The following GRM5 variants were observed in gnomAD, a reference collection of about 807,000 sequenced individuals.
GRM5 encodes metabotropic glutamate receptor 5.
GRM5 carries 19 observed loss-of-function variants against 83.1 expected under a neutral mutation model. The observed-to-expected ratio is 0.23, with a 90% CI of 0.16 to 0.34. The LOEUF (loss-of-function observed/expected upper bound fraction) is 0.34, where lower values mean the gene tolerates loss of function less well. Among genes scored for constraint, GRM5 ranks in the 10% least tolerant of loss-of-function variants. The pLI, the probability that GRM5 is intolerant of heterozygous loss-of-function variation, is 1.00. For synonymous variants in GRM5, 675 were observed against 633.6 expected (o/e 1.07, Z -0.98); for missense variants, 1,160 against 1,588.3 (o/e 0.73, Z 4.58).
intron 3 of GRM5, among the ~76,000 whole-genome samples, chr11:88,802,340 T>A (rs1198957160): frequency 6.6e-6 from 1 of 152,268 alleles, no homozygotes; most frequent in Non-Finnish European, 1.5e-5. Flanking sequence ...CTATTTATAG[T>A]GTATACATAG....
rs1032645609 is a variant in GRM5, at chr11:88,505,870, T to C, written c.*2722A>G. 6.6e-6 allele frequency: 1 copy of C among 152,230 alleles called. No individual in the cohort carries two copies. The highest frequency in any genetic ancestry group is 2.4e-5 in the African/African-American group (1 of 41,456). The allele number at this position is 152,230 out of a possible 1,614,324, so 9.4% of individuals were successfully genotyped here. On this transcript the variant is annotated 3_prime_UTR_variant, in exon 10 of 10. Coordinates refer to ENST00000305447, the MANE Select transcript of GRM5 (RefSeq NM_001143831.3). Reference sequence around the variant, plus strand: ...AATGAGAATGTACCCAAATGAATTGTGAAGTTCATATCCTATAGCCCTAGA... The same window carrying C: ...AATGAGAATGTACCCAAATGAATTGCGAAGTTCATATCCTATAGCCCTAGA...
At chr11:88,717,687 T>C (rs1272012152) in intron 3 of GRM5, among the ~76,000 whole-genome samples, 1 of 151,776 alleles carries the variant, frequency 6.6e-6, no homozygotes, top group Non-Finnish European at 1.5e-5. Flanking sequence ...CATGAGAAAA[T>C]GTCCATAGCA....
At chr11:88,854,056 G>GTCTATATATATATATATATA (rs1565262477) in intron 2 of GRM5, among the ~76,000 whole-genome samples, 1 of 17,774 alleles carries the variant, frequency 5.6e-5, no homozygotes, top group African/African-American at 2.0e-4. Flanking sequence ...AAAAAATGTG[G>GTCTATATATATATATATATA]TGTATATATA....
At chr11:89,045,363 TTAG>T (rs1223379018) in intron 2 of GRM5, among the ~76,000 whole-genome samples, 3 of 152,160 alleles carry the variant, frequency 2.0e-5, no homozygotes, top group Non-Finnish European at 2.9e-5. Flanking sequence ...GCAGCAACTC[TTAG>T]TAGTTTTGCT....
intron 3 of GRM5, among the ~76,000 whole-genome samples, chr11:88,681,866 G>T (rs1940503342): frequency 1.3e-5 from 2 of 151,836 alleles, no homozygotes; most frequent in Admixed American, 1.3e-4. Flanking sequence ...ACTGTGCCCA[G>T]CCCTCTTTTT....
At chr11:88,728,424 C>A (rs976052922) in intron 3 of GRM5, among the ~76,000 whole-genome samples, 1 of 152,088 alleles carries the variant, frequency 6.6e-6, no homozygotes, top group Non-Finnish European at 1.5e-5. Flanking sequence ...GATGGATTCA[C>A]AACCGAATTC....
At chr11:89,023,150 T>TGC (rs61458577) in intron 2 of GRM5, among the ~76,000 whole-genome samples, 11,898 of 151,774 alleles carry the variant, frequency 0.078, 1,115 homozygotes, top group African/African-American at 0.23. Flanking sequence ...AGTGTGTGTG[T>TGC]GTGTGTGTGT....
At chr11:88,852,090 T>G (rs1944397692) in intron 2 of GRM5, among the ~76,000 whole-genome samples, 1 of 152,206 alleles carries the variant, frequency 6.6e-6, no homozygotes, top group Non-Finnish European at 1.5e-5. Context: ...GGTAAGTGAT[T>G]GTGATGTGAA....
intron 3 of GRM5, among the ~76,000 whole-genome samples, chr11:88,682,053 C>G (rs1565184583): frequency 6.6e-6 from 1 of 152,086 alleles, no homozygotes; most frequent in Non-Finnish European, 1.5e-5. Context: ...ACTTGTAGTA[C>G]AATTTAAAAA....
chr11:88,939,952 T>C (rs1938033681), intron 2 of GRM5, among the ~76,000 whole-genome samples: 3 of 151,812 alleles, frequency 2.0e-5, no homozygotes, highest in South Asian at 4.1e-4. Flanking sequence ...AAGATCAAAG[T>C]ATATAACATG....
At chr11:88,763,536 A>T (rs543614850) in intron 3 of GRM5, among the ~76,000 whole-genome samples, 2 of 136,508 alleles carry the variant, frequency 1.5e-5, no homozygotes, top group Admixed American at 7.4e-5. Context: ...AAATGTGTTT[A>T]AAGTATTATT....
chr11:88,674,206 T>A (rs1470140251), intron 3 of GRM5, among the ~76,000 whole-genome samples: 2 of 151,230 alleles, frequency 1.3e-5, no homozygotes, highest in East Asian at 3.9e-4. Flanking sequence ...TCCCATGGCT[T>A]CTATAGTAAC....
chr11:88,792,943 A>G (rs1015035067), intron 3 of GRM5, among the ~76,000 whole-genome samples: 2 of 152,178 alleles, frequency 1.3e-5, no homozygotes, highest in African/African-American at 4.8e-5. Flanking sequence ...TATTTTTGAT[A>G]CTATTTAGAG....
chr11:88,634,094 G>A (rs1025519137), intron 4 of GRM5, among the ~76,000 whole-genome samples: 1 of 152,148 alleles, frequency 6.6e-6, no homozygotes, highest in Non-Finnish European at 1.5e-5. Context: ...CAGCAGAAGT[G>A]TGACATAAAA....
At chr11:88,712,112 C>G (rs372851933) in intron 3 of GRM5, among the ~76,000 whole-genome samples, 1 of 151,918 alleles carries the variant, frequency 6.6e-6, no homozygotes, top group Non-Finnish European at 1.5e-5. Context: ...CCTTGCAAGT[C>G]GAAAATCCTT....
intron 2 of GRM5, among the ~76,000 whole-genome samples, chr11:88,914,781 CT>C (rs1945561957): frequency 6.6e-6 from 1 of 152,052 alleles, no homozygotes; most frequent in African/African-American, 2.4e-5. Flanking sequence ...TTTCCTTTTT[CT>C]TAGCAATCAT....
chr11:88,840,787 T>G (rs1397089152), intron 3 of GRM5, among the ~76,000 whole-genome samples: 1 of 152,184 alleles, frequency 6.6e-6, no homozygotes, highest in Non-Finnish European at 1.5e-5. Flanking sequence ...TTAGAGACTT[T>G]GTGTCTGGAG....
intron 2 of GRM5, among the ~76,000 whole-genome samples, chr11:88,992,533 T>C (rs1482326585): frequency 1.3e-5 from 2 of 152,074 alleles, no homozygotes; most frequent in Non-Finnish European, 2.9e-5. Flanking sequence ...ACCCGAAGGA[T>C]TATAAATCAT....
intron 3 of GRM5, among the ~76,000 whole-genome samples, chr11:88,771,653 C>G (rs1255772423): frequency 1.3e-5 from 2 of 152,132 alleles, no homozygotes; most frequent in African/African-American, 4.8e-5. Flanking sequence ...TTAATCTCCT[C>G]TGGCAACACC....
Sources: gnomAD v4.1 joint callset for allele counts (sites outside exome capture counted in the v4.1 genomes callset) on GRCh38, gnomAD v4.1.1 for gene constraint, MANE v1.5 for transcripts, NCBI Gene and HGNC (gene_info 2026-07-23, HGNC 2026-07-21) for gene names.